LSM11: variants seen among roughly 807,000 people sequenced by gnomAD.
The protein encoded by LSM11 is U7 snRNA-associated Sm-like protein LSm11.
Under a neutral mutation model 28.1 loss-of-function variants are expected in LSM11, and 14 were observed. That is an observed-to-expected ratio of 0.50 (90% CI 0.33 to 0.78). The LOEUF (loss-of-function observed/expected upper bound fraction) is 0.78, where lower values mean the gene tolerates loss of function less well. LSM11 is among the 30% of genes least tolerant of loss of function. LSM11 has a pLI of 0.02. For missense variants in LSM11, 495 were observed against 510.6 expected, an observed-to-expected ratio of 0.97 and a Z score of 0.30; for synonymous variants, 207 against 214.2, an observed-to-expected ratio of 0.97 and a Z score of 0.30.
Position 157,751,630 on chromosome 5 carries a change from A to C in LSM11, c.588+101A>C. On this transcript the variant is annotated intron_variant, in intron 2 of 3. Coordinates refer to ENST00000286307, the MANE Select transcript of LSM11 (RefSeq NM_173491.4). ...AACTGCATTAAGTAAAACCCAAAAA[A>C]TAACTTCTTAGAAGAACTAGAATTT... 5.3e-6 allele frequency: 7 copies of C among 1,329,968 alleles called. No individual in the cohort carries two copies. In the South Asian group the frequency reaches 8.4e-5, roughly 16 times the overall value. The allele number at this position is 1,329,968 out of a possible 1,614,324, so 82.4% of individuals were successfully genotyped here.
intron 1 of LSM11, among the ~76,000 whole-genome samples, chr5:157,748,028 T>TGTGTGTG (rs1761172682): frequency 6.7e-6 from 1 of 148,990 alleles, no homozygotes; most frequent in African/African-American, 2.5e-5. Context: ...TGTGTGTGTG[T>TGTGTGTG]TTAGGCCAGT....
intron 1 of LSM11, among the ~76,000 whole-genome samples, chr5:157,748,855 G>A (rs1230532873): frequency 1.3e-5 from 2 of 152,210 alleles, no homozygotes; most frequent in Non-Finnish European, 2.9e-5. Flanking sequence ...TAGAGAAGGG[G>A]ATTGGAAGAG....
intron 2 of LSM11, 22 bp downstream of exon 2, chr5:157,751,551 GGCTGGA>G: frequency 1.9e-6 from 3 of 1,606,986 alleles, no homozygotes; most frequent in Non-Finnish European, 2.5e-6. Flanking sequence ...TTTCTCAAGG[GGCTGGA>G]GAACCTCCTA....
chr5:157,744,145 G>C lies in LSM11; in HGVS notation c.395G>C (p.Arg132Thr), dbSNP rs1488157768. ...GACGGGGCCGCAGGAGCGGGCCGGAGGGGTCCGGGTCGGAGCAGGAAGGCG... is the reference window on the plus strand; with the variant it reads ...GACGGGGCCGCAGGAGCGGGCCGGACGGGTCCGGGTCGGAGCAGGAAGGCG... ...EGDGAAGAGR[R>T]GPGRSRKAPR... The change falls in exon 1 of 4, where the codon AGG becomes ACG. Residue 132 changes from arginine to threonine, a missense_variant. Coordinates refer to ENST00000286307, the MANE Select transcript of LSM11 (RefSeq NM_173491.4). 2.8e-6 allele frequency: 4 copies of C among 1,453,264 alleles called. No individual in the cohort carries two copies. Among genetic ancestry groups the C allele is most frequent in the Non-Finnish European group, 3.6e-6 (4 of 1,104,606 alleles). 90.0% of individuals were successfully genotyped at this position (1,453,264 alleles called of 1,614,324 possible).
chr5:157,747,037 C>T (rs1761159025), intron 1 of LSM11, among the ~76,000 whole-genome samples: 2 of 152,228 alleles, frequency 1.3e-5, no homozygotes, highest in Admixed American at 1.3e-4. Context: ...CAACAAAGAA[C>T]TCACACACAA....
At chr5:157,754,692 CAAAAAA>C (rs34644413) in intron 3 of LSM11, among the ~76,000 whole-genome samples, 156 bp from the exon 4 acceptor site, 5 of 90,258 alleles carry the variant, frequency 5.5e-5, no homozygotes, top group African/African-American at 8.6e-5. Context: ...ACTCCGTCTC[CAAAAAA>C]AAAAAAAAAA....
At chr5:157,746,293 A>G (rs1011288944) in intron 1 of LSM11, among the ~76,000 whole-genome samples, 1 of 152,246 alleles carries the variant, frequency 6.6e-6, no homozygotes, top group African/African-American at 2.4e-5. Context: ...TTTGCAAAAT[A>G]TTCACATAAA....
Position 157,744,061 on chromosome 5 carries a change from C to T in LSM11, c.311C>T (p.Ala104Val). ...GRTRRRPDAP[A>V]PDPERIQRLR... ...ACTCGTCGCCGCCCGGACGCGCCCG[C>T]CCCGGACCCCGAGCGCATCCAGCGC... The change falls in exon 1 of 4, where the codon GCC becomes GTC. Residue 104 changes from alanine to valine, a missense_variant. Physicochemically the swap from Ala to Val is moderately conservative, Grantham distance 64 (BLOSUM62 0). Coordinates refer to ENST00000286307, the MANE Select transcript of LSM11 (RefSeq NM_173491.4). 5 of 1,463,150 alleles carry T rather than the reference C, an allele frequency of 3.4e-6. No homozygotes were observed. The highest frequency in any genetic ancestry group is 4.5e-6 in the Non-Finnish European group (5 of 1,110,508). 90.6% of individuals were successfully genotyped at this position (1,463,150 alleles called of 1,614,324 possible).
At position 157,754,988 on chromosome 5, in the gene LSM11, C is replaced by T. The variant is rs1189236428; in HGVS notation, c.807C>T (p.Asp269=). Residue 269 remains aspartate (D), a synonymous_variant, in exon 4 of 4, where the codon GAC becomes GAT. Coordinates refer to ENST00000286307, the MANE Select transcript of LSM11 (RefSeq NM_173491.4). ...TGGCTTCAGTGTGGGGAAGAGCAGA[C>T]ACTGGCCGGGGCTCACACAAGCGTT... ...WKLASVWGRA[D]TGRGSHKRSR... is the part of the protein sequence containing the mutation. 2 of 1,614,218 alleles carry T rather than the reference C, an allele frequency of 1.2e-6. No homozygotes were observed. Among genetic ancestry groups the T allele is most frequent in the Admixed American group, 1.7e-5 (1 of 60,032 alleles).
In LSM11 at chr5:157,753,940, A is replaced by G. The variant is rs577814861; in HGVS notation, c.589-64A>G. 120 of 1,167,518 alleles carry G rather than the reference A, an allele frequency of 1.0e-4. No individual in the cohort carries two copies. In the East Asian group the frequency reaches 3.3e-3, roughly 32 times the overall value. The allele number at this position is 1,167,518 out of a possible 1,614,324, so 72.3% of individuals were successfully genotyped here. ...ACTCTGCCTTTTTTTTTTTCCCTGA[A>G]AAAGCTATACAAATAATAATTTTAA... On this transcript the variant is annotated intron_variant, in intron 2 of 3. Transcript: ENST00000286307.
At chr5:157,754,710 AAAAG>A in intron 3 of LSM11, 140 bp from the exon 4 acceptor site, 4 of 689,474 alleles carry the variant, frequency 5.8e-6, no homozygotes, top group South Asian at 2.3e-5. Context: ...AAAAAAAAAA[AAAAG>A]ATTTATTACT....
chr5:157,755,638 T>C lies in LSM11; in HGVS notation c.*374T>C. ...GTCTCAAAAAGAAGTATTGCATGTC[T>C]AAAAGCTAGTGCCCTGAGTACTCAT... On this transcript the variant is annotated 3_prime_UTR_variant, in exon 4 of 4. Coordinates refer to ENST00000286307, the MANE Select transcript of LSM11 (RefSeq NM_173491.4). 1 of 428,560 alleles carries C rather than the reference T, an allele frequency of 2.3e-6. No homozygotes were observed. The highest frequency in any genetic ancestry group is 3.9e-5 in the Admixed American group (1 of 25,668). The allele number at this position is 428,560 out of a possible 1,614,324, so 26.5% of individuals were successfully genotyped here. A position where few individuals can be genotyped will look rare whatever the true frequency, so the allele number is the denominator to read the frequency against.
chr5:157,755,454 T>G lies in LSM11; in HGVS notation c.*190T>G, dbSNP rs1761309428. 2 of 617,170 alleles carry G rather than the reference T, an allele frequency of 3.2e-6. No individual in the cohort carries two copies. The highest frequency in any genetic ancestry group is 4.3e-5 in the South Asian group (2 of 46,706). 38.2% of individuals were successfully genotyped at this position (617,170 alleles called of 1,614,324 possible). ...GACAGGCCTTGGGAGGGCAGGCGTT[T>G]GCATTAATATCAAGGCAAAAAGCAT... is the stretch of plus-strand genomic sequence containing the variant. On this transcript the variant is annotated 3_prime_UTR_variant, in exon 4 of 4. Coordinates refer to ENST00000286307, the MANE Select transcript of LSM11 (RefSeq NM_173491.4).
At position 157,755,587 on chromosome 5, in the gene LSM11, T is replaced by C; in HGVS notation, c.*323T>C. 2.1e-6 allele frequency: 1 copy of C among 475,824 alleles called. No individual in the cohort carries two copies. Among genetic ancestry groups the C allele is most frequent in the Non-Finnish European group, 3.7e-6 (1 of 272,586 alleles). 29.5% of individuals were successfully genotyped at this position (475,824 alleles called of 1,614,324 possible). On this transcript the variant is annotated 3_prime_UTR_variant, in exon 4 of 4. Coordinates refer to ENST00000286307, the MANE Select transcript of LSM11 (RefSeq NM_173491.4). ...GGTCATGATATGAGTGGAATTTACA[T>C]TTTAGATACTATAGGGGAAAGAAAA...
Position 157,755,501 on chromosome 5 carries a change from T to C in LSM11, c.*237T>C. The C allele has an allele frequency of 5.3e-6, 3 of 563,286 alleles. No homozygotes were observed. Among genetic ancestry groups the C allele is most frequent in the Non-Finnish European group, 9.4e-6 (3 of 320,382 alleles). 34.9% of individuals were successfully genotyped at this position (563,286 alleles called of 1,614,324 possible). ...GCATTCATAGATACATGCATCTGAT[T>C]TGGTATTGTGATTTACTTCAGACCC... On this transcript the variant is annotated 3_prime_UTR_variant, in exon 4 of 4. Transcript: ENST00000286307.
rs1367687387 is a variant in LSM11, at chr5:157,760,161, T to A, written c.*4897T>A. ...GCCATAAAAGTGATTCCCAATACTTTGCAATTGCTTTTGATTTTTAGTCCT... is the reference window on the plus strand; with the variant it reads ...GCCATAAAAGTGATTCCCAATACTTAGCAATTGCTTTTGATTTTTAGTCCT... On this transcript the variant is annotated 3_prime_UTR_variant, in exon 4 of 4. Coordinates refer to ENST00000286307, the MANE Select transcript of LSM11 (RefSeq NM_173491.4). The A allele has an allele frequency of 6.6e-6, 1 of 152,226 alleles. No homozygotes were observed. Among genetic ancestry groups the A allele is most frequent in the Non-Finnish European group, 1.5e-5 (1 of 68,040 alleles). The allele number at this position is 152,226 out of a possible 1,614,324, so 9.4% of individuals were successfully genotyped here.
Position 157,754,096 on chromosome 5 carries a change from T to C in LSM11, c.672+9T>C. The C allele has an allele frequency of 6.5e-7, 1 of 1,543,136 alleles. No individual in the cohort carries two copies. Among genetic ancestry groups the C allele is most frequent in the Non-Finnish European group, 8.7e-7 (1 of 1,146,068 alleles). On this transcript the variant is annotated intron_variant, in intron 3 of 3. Transcript: ENST00000286307. ...CACTGACTCTCACTAGGGTAGGCAG[T>C]TTTCCCCTGACCTCCTGAGTAGCCA...
Position 157,744,741 on chromosome 5 carries a change from C to G in LSM11, c.448+543C>G, listed in dbSNP as rs145334231. Among the ~76,000 whole-genome samples the G allele has an allele frequency of 3.2e-3, 482 of 152,190 alleles. 1 individual carries two copies. The highest frequency in any genetic ancestry group is 0.011 in the African/African-American group (458 of 41,518). On this transcript the variant is annotated intron_variant, in intron 1 of 3. Coordinates refer to ENST00000286307, the MANE Select transcript of LSM11 (RefSeq NM_173491.4). ...TTGGTCAGTGGGATTTGAGGATGAT[C>G]GGATGGAGTGTGGGGAGATTTGTTC...
In LSM11 at chr5:157,755,073, T is replaced by C; in HGVS notation, c.892T>C (p.Ser298Pro). 1 of 1,614,196 alleles carries C rather than the reference T, an allele frequency of 6.2e-7. No individual in the cohort carries two copies. Among genetic ancestry groups the C allele is most frequent in the South Asian group, 1.1e-5 (1 of 91,086 alleles). Residue 298 changes from serine to proline, a missense_variant, in exon 4 of 4, where the codon TCA (serine) becomes CCA (proline). Coordinates refer to ENST00000286307, the MANE Select transcript of LSM11 (RefSeq NM_173491.4). ...SAREESRSEL[S>P]GRTTRTDGSS... ...AAGGGAGGAGTCCAGGTCAGAGCTG[T>C]CAGGGAGGACTACACGGACAGACGG... is the stretch of plus-strand genomic sequence containing the variant.
Sources: allele counts gnomAD v4.1 joint callset (sites outside exome capture counted in the v4.1 genomes callset), GRCh38; gene constraint gnomAD v4.1.1; transcripts MANE v1.5; gene names NCBI Gene and HGNC (gene_info 2026-07-23, HGNC 2026-07-21).